PHKA2: variants seen among roughly 807,000 people sequenced by gnomAD.
PHKA2 encodes phosphorylase kinase regulatory subunit alpha 2, also known as phosphorylase b kinase regulatory subunit alpha, liver isoform.
PHKA2 carries 31 observed loss-of-function variants against 102.0 expected under a neutral mutation model. The observed-to-expected ratio is 0.30, with a 90% CI of 0.23 to 0.41. The LOEUF (loss-of-function observed/expected upper bound fraction) is 0.41, where lower values mean the gene tolerates loss of function less well. Ranked by LOEUF, PHKA2 falls within the 10% of genes least tolerant of loss-of-function variation. PHKA2 has a pLI of 1.00. For missense variants in PHKA2, 858 were observed against 1,023.1 expected (o/e 0.84, Z 2.20); for synonymous variants, 455 against 416.2 (o/e 1.09, Z -1.13).
chrX:18,940,422 G>T (rs931490117), intron 8 of PHKA2, among the ~76,000 whole-genome samples: 1 of 111,914 alleles, frequency 8.9e-6, no homozygotes, highest in Admixed American at 9.5e-5. Context: ...TGCAAGATTG[G>T]AAAGCTGCAA....
chrX:18,963,752 T>C (rs1406712410), intron 1 of PHKA2, among the ~76,000 whole-genome samples: 1 of 111,876 alleles, frequency 8.9e-6, no homozygotes. Context: ...ATATGCCTGA[T>C]GGTAGCAGCA....
In PHKA2 at chrX:18,920,022, C is replaced by T; in HGVS notation, c.1963+10G>A. On this transcript the variant is annotated intron_variant, in intron 18 of 32. Transcript: ENST00000379942. ...CAGCGAACTACCCACAAAAGCATTCCAAGCTGTACCTTGATTACAGGTGTC... is the reference window on the plus strand; with the variant it reads ...CAGCGAACTACCCACAAAAGCATTCTAAGCTGTACCTTGATTACAGGTGTC... 1 of 1,187,936 alleles carries T rather than the reference C, an allele frequency of 8.4e-7. No homozygotes were observed. The highest frequency in any genetic ancestry group is 1.1e-6 in the Non-Finnish European group (1 of 875,110).
In PHKA2 at chrX:18,893,358, C is replaced by A; in HGVS notation, c.*127G>T. 1 of 677,890 alleles carries A rather than the reference C, an allele frequency of 1.5e-6. No homozygotes were observed. 55.9% of individuals were successfully genotyped at this position (677,890 alleles called of 1,213,427 possible). Reference sequence around the variant, plus strand: ...TTCAGGGTGAGTGCTACCATTGCCCCCCGAGAGTGTTTCTGATGGGACATG... The same window carrying A: ...TTCAGGGTGAGTGCTACCATTGCCCACCGAGAGTGTTTCTGATGGGACATG... On this transcript the variant is annotated 3_prime_UTR_variant, in exon 33 of 33. Transcript: ENST00000379942.
At chrX:18,978,070 T>C (rs947451031) in intron 1 of PHKA2, among the ~76,000 whole-genome samples, 10 of 110,720 alleles carry the variant, frequency 9.0e-5, no homozygotes, top group Non-Finnish European at 1.3e-4. Flanking sequence ...GGCAGGAGAA[T>C]TGCTTGAACT....
Position 18,938,580 on chromosome X carries a change from C to A in PHKA2, c.1041+47G>T, listed in dbSNP as rs2048432742. 4.4e-6 allele frequency: 5 copies of A among 1,127,727 alleles called. No individual in the cohort carries two copies. The East Asian group carries it at 1.5e-4, about 34-fold the overall frequency. The allele number at this position is 1,127,727 out of a possible 1,213,427, so 92.9% of individuals were successfully genotyped here. A position where few individuals can be genotyped will look rare whatever the true frequency, so the allele number is the denominator to read the frequency against. On this transcript the variant is annotated intron_variant, in intron 10 of 32. Transcript: ENST00000379942. The stretch of plus-strand genomic sequence containing the variant: ...TATGTTCTAATAATAATCAGTATAC[C>A]AGTGGAATGAAAATAATTATCAACG...
At chrX:18,943,129 C>T (rs780534404) in intron 7 of PHKA2, among the ~76,000 whole-genome samples, 1 of 111,626 alleles carries the variant, frequency 9.0e-6, no homozygotes, top group Non-Finnish European at 1.9e-5. Context: ...TGGCACACAG[C>T]GGGCCCTCGC....
chrX:18,974,327 C>T (rs978826398), intron 1 of PHKA2, among the ~76,000 whole-genome samples: 2 of 111,591 alleles, frequency 1.8e-5, no homozygotes, highest in African/African-American at 3.3e-5. Context: ...CTCTTGAATT[C>T]GACTTGCCCA....
chrX:18,971,677 C>T (rs752726998), intron 1 of PHKA2, among the ~76,000 whole-genome samples: 1 of 112,620 alleles, frequency 8.9e-6, no homozygotes, highest in South Asian at 3.6e-4. Flanking sequence ...TAGGATTAAG[C>T]TTTTGTATTA....
At chrX:18,981,473 T>C (rs758784951) in intron 1 of PHKA2, among the ~76,000 whole-genome samples, 5 of 111,568 alleles carry the variant, frequency 4.5e-5, no homozygotes, top group Non-Finnish European at 7.5e-5. Flanking sequence ...CTTTTGCTTC[T>C]GAGGGAAGGC....
intron 19 of PHKA2, among the ~76,000 whole-genome samples, chrX:18,914,228 C>T (rs73443448): frequency 0.065 from 7,213 of 111,816 alleles, 569 homozygotes; most frequent in African/African-American, 0.22. Flanking sequence ...AGGGGACCAC[C>T]GCCATATATG....
chrX:18,928,117 C>T (rs1032125211), intron 13 of PHKA2, among the ~76,000 whole-genome samples: 1 of 112,305 alleles, frequency 8.9e-6, no homozygotes, highest in Non-Finnish European at 1.9e-5. Flanking sequence ...TCTGGCTTAG[C>T]GCAGGCACAA....
chrX:18,950,671 C>T (rs1362454838), intron 4 of PHKA2, among the ~76,000 whole-genome samples: 1 of 112,771 alleles, frequency 8.9e-6, no homozygotes, highest in Non-Finnish European at 1.9e-5. Context: ...TGAATGTGTC[C>T]CCTCCAAAAT....
intron 5 of PHKA2, among the ~76,000 whole-genome samples, chrX:18,947,091 T>C (rs2048593548): frequency 8.9e-6 from 1 of 111,903 alleles, no homozygotes; most frequent in Admixed American, 9.5e-5. Flanking sequence ...CAAATCTAGT[T>C]TCCCACCTAT....
intron 11 of PHKA2, among the ~76,000 whole-genome samples, chrX:18,935,558 A>ATTTTTT (rs1404592887): frequency 9.2e-6 from 1 of 109,192 alleles, no homozygotes; most frequent in African/African-American, 3.3e-5. Flanking sequence ...TGTTCCACAT[A>ATTTTTT]TTTTTCCAAA....
chrX:18,906,350 G>C, intron 25 of PHKA2, 145 bp downstream of exon 25: 1 of 693,983 alleles, frequency 1.4e-6, no homozygotes, highest in South Asian at 2.3e-5. Flanking sequence ...ATCTAAATGA[G>C]AGAAGCTGGT....
In PHKA2 at chrX:18,922,592, T is replaced by C. The variant is rs146505208; in HGVS notation, c.1793+1464A>G. 5.9e-3 allele frequency among the ~76,000 whole-genome samples: 650 copies of C among 110,718 alleles called. 5 individuals are homozygous for C. The highest frequency in any genetic ancestry group is 0.02 in the African/African-American group (621 of 30,387). On this transcript the variant is annotated intron_variant, in intron 17 of 32. Coordinates refer to ENST00000379942, the MANE Select transcript of PHKA2 (RefSeq NM_000292.3). ...GGGACTTAACTTTGGGGACATCATG[T>C]GAAATGAGCCAGTCACAAAATGATA...
chrX:18,925,562 T>C, intron 15 of PHKA2, 106 bp downstream of exon 15: 1 of 560,740 alleles, frequency 1.8e-6, no homozygotes, highest in Non-Finnish European at 3.2e-6. Flanking sequence ...CATATGTCTC[T>C]ATTTGAACCT....
At chrX:18,949,663 T>C (rs747305415) in intron 4 of PHKA2, among the ~76,000 whole-genome samples, 1 of 112,479 alleles carries the variant, frequency 8.9e-6, no homozygotes, top group South Asian at 3.7e-4. Flanking sequence ...GTTATAACGC[T>C]ACGTAATAAA....
intron 29 of PHKA2, chrX:18,897,779 C>T (rs985697050): frequency 2.2e-5 from 3 of 137,647 alleles, no homozygotes; most frequent in Admixed American, 1.5e-4. Context: ...AAGAGCTGCC[C>T]GGAAGCCTTC....
Sources: gnomAD v4.1 joint callset for allele counts (sites outside exome capture counted in the v4.1 genomes callset) on GRCh38, gnomAD v4.1.1 for gene constraint, MANE v1.5 for transcripts, NCBI Gene and HGNC (gene_info 2026-07-23, HGNC 2026-07-21) for gene names.